The following TRIO variants were observed in gnomAD, a reference collection of about 807,000 sequenced individuals.
TRIO encodes the protein trio Rho guanine nucleotide exchange factor, also known as triple functional domain protein.
A neutral mutation model predicts 351.9 loss-of-function variants in TRIO; 58 were observed. The observed-to-expected ratio is 0.16, with a 90% CI of 0.13 to 0.21. The LOEUF is 0.21. Ranked by LOEUF, TRIO falls within the 10% of genes least tolerant of loss-of-function variation. The pLI, the probability that TRIO is intolerant of heterozygous loss-of-function variation, is 1.00. For synonymous variants in TRIO, 1,758 were observed against 1,595.7 expected (o/e 1.10, Z -2.42); for missense variants, 3,201 against 4,027.8 (o/e 0.79, Z 5.56).
intron 1 of TRIO, among the ~76,000 whole-genome samples, chr5:14,225,686 C>T (rs1456645026): frequency 6.6e-6 from 1 of 152,028 alleles, no homozygotes; most frequent in Admixed American, 6.5e-5. Flanking sequence ...AAAGGCTTCC[C>T]TTGATGAGTC....
intron 1 of TRIO, among the ~76,000 whole-genome samples, chr5:14,204,279 A>G (rs923861725): frequency 6.6e-6 from 1 of 152,144 alleles, no homozygotes; most frequent in East Asian, 1.9e-4. Context: ...AATTTGAGAG[A>G]GGAGTGGAGG....
intron 1 of TRIO, among the ~76,000 whole-genome samples, chr5:14,161,621 T>C (rs1219938979): frequency 2.0e-5 from 3 of 152,192 alleles, no homozygotes. Flanking sequence ...TTAACTCAGA[T>C]TTTAGCATAA....
intron 1 of TRIO, among the ~76,000 whole-genome samples, chr5:14,145,895 G>A (rs1452177655): frequency 6.6e-6 from 1 of 152,176 alleles, no homozygotes; most frequent in Non-Finnish European, 1.5e-5. Context: ...TCCTGTTCAT[G>A]TTCCGTTTGG....
chr5:14,473,761 G>A (rs1165479286), intron 39 of TRIO, among the ~76,000 whole-genome samples: 1 of 152,138 alleles, frequency 6.6e-6, no homozygotes, highest in Non-Finnish European at 1.5e-5. Context: ...TTTGATCTGT[G>A]AATGCTGAAC....
At chr5:14,321,880 C>T (rs1739922492) in intron 9 of TRIO, among the ~76,000 whole-genome samples, 2 of 152,184 alleles carry the variant, frequency 1.3e-5, no homozygotes, top group Non-Finnish European at 2.9e-5. Flanking sequence ...CCTACACAAG[C>T]TCTCTTGCCT....
At chr5:14,302,399 C>T in intron 7 of TRIO, among the ~76,000 whole-genome samples, 1 of 152,102 alleles carries the variant, frequency 6.6e-6, no homozygotes, top group East Asian at 1.9e-4. Context: ...GATGGTTAAC[C>T]TCAATCAATT....
rs1184794723 is a variant in TRIO, at chr5:14,497,051, C to T, written c.8019+34C>T. On this transcript the variant is annotated intron_variant, in intron 50 of 56. Coordinates refer to ENST00000344204, the MANE Select transcript of TRIO (RefSeq NM_007118.4). This position sits in a 1 kb window ranked among gnomAD's most constrained non-coding sequence, Gnocchi z 4.4. ...GGGGGTCTTCAGGAGTCCGTGTCAT[C>T]CCAGCATGAGAGAAAGGATCAGGGA... 6.2e-7 allele frequency: 1 copy of T among 1,610,704 alleles called. No homozygotes were observed.
intron 41 of TRIO, 37 bp from the exon 42 acceptor site, chr5:14,479,223 AT>A (rs756010773): frequency 6.4e-7 from 1 of 1,557,386 alleles, no homozygotes; most frequent in Admixed American, 1.7e-5. Flanking sequence ...CGAATTTCCC[AT>A]TGTTATAACC....
At position 14,465,510 on chromosome 5, in the gene TRIO, G is replaced by GC. The variant is rs1199330248; in HGVS notation, c.5668-31dup. On this transcript the variant is annotated intron_variant, in intron 36 of 56. Transcript: ENST00000344204. The stretch of plus-strand genomic sequence containing the variant: ...TGACCAGTTACTAATGTGAGCCCTT[G>GC]CCCCACCCCCTCCTTTTCTTAATTT... 1.9e-6 allele frequency: 3 copies of GC among 1,606,954 alleles called. No homozygotes were observed. The Admixed American group carries it at 5.0e-5, about 27-fold the overall frequency.
chr5:14,154,321 TAGGAA>T (rs774244222), intron 1 of TRIO, among the ~76,000 whole-genome samples: 1 of 152,046 alleles, frequency 6.6e-6, no homozygotes, highest in Non-Finnish European at 1.5e-5. Context: ...CTTTCTAACT[TAGGAA>T]AGGAACGGGG....
chr5:14,467,649 C>CA (rs368287211), intron 37 of TRIO, among the ~76,000 whole-genome samples: 63 of 152,006 alleles, frequency 4.1e-4, no homozygotes, highest in African/African-American at 1.4e-3. Flanking sequence ...CGCATCTCTA[C>CA]AAAAAAATAC....
chr5:14,381,872 G>C (rs1746137374), intron 21 of TRIO, among the ~76,000 whole-genome samples: 1 of 152,212 alleles, frequency 6.6e-6, no homozygotes, highest in Admixed American at 6.5e-5. Flanking sequence ...ATATGTGTGA[G>C]TAAATATGGC....
chr5:14,389,490 A>G (rs1746860531), intron 25 of TRIO, 92 bp downstream of exon 25: 2 of 881,340 alleles, frequency 2.3e-6, no homozygotes, highest in Admixed American at 3.1e-5. Context: ...TGAATTAAGC[A>G]GATTTCAGTG....
chr5:14,298,212 A>AAT (rs1425053778), intron 7 of TRIO, among the ~76,000 whole-genome samples: 2 of 152,222 alleles, frequency 1.3e-5, no homozygotes, highest in Non-Finnish European at 2.9e-5. Context: ...AGTAATGGGT[A>AAT]ATATATGCCC....
intron 1 of TRIO, among the ~76,000 whole-genome samples, chr5:14,247,611 T>C (rs575790508): frequency 2.0e-5 from 3 of 152,356 alleles, no homozygotes; most frequent in African/African-American, 7.2e-5. Context: ...GTATATGTCA[T>C]ATAAGATTTT....
At position 14,316,536 on chromosome 5, in the gene TRIO, C is replaced by A. The variant is rs1353805315; in HGVS notation, c.1524C>A (p.Leu508=). The A allele has an allele frequency of 2.5e-6, 4 of 1,614,142 alleles. No homozygotes were observed. The East Asian group carries it at 6.7e-5, about 27-fold the overall frequency. The change falls in exon 9 of 57, where the codon CTC becomes CTA. Residue 508 remains leucine (L), a synonymous_variant. Coordinates refer to ENST00000344204, the MANE Select transcript of TRIO (RefSeq NM_007118.4). The part of the protein sequence containing the change: ...YSEVSQDGKS[L]LDKLQRPLTP... ...AGGTCAGCCAAGATGGGAAGTCGCTCCTTGACAAGCTCCAGCGGCCCTTGA... is the reference window on the plus strand; with the variant it reads ...AGGTCAGCCAAGATGGGAAGTCGCTACTTGACAAGCTCCAGCGGCCCTTGA...
chr5:14,180,280 C>G (rs114938754), intron 1 of TRIO, among the ~76,000 whole-genome samples: 294 of 152,150 alleles, frequency 1.9e-3, no homozygotes, highest in African/African-American at 6.8e-3. Flanking sequence ...TAGATGTTGC[C>G]TGGAGCTTCC....
chr5:14,366,837 A>G (rs1018135488), intron 15 of TRIO, 23 bp from the exon 16 acceptor site: 6 of 1,613,972 alleles, frequency 3.7e-6, no homozygotes, highest in Middle Eastern at 1.7e-4. Context: ...CACTGCTTGG[A>G]GTTATCCTGT....
intron 21 of TRIO, among the ~76,000 whole-genome samples, chr5:14,385,027 G>A (rs1266890029): frequency 2.0e-5 from 3 of 152,338 alleles, no homozygotes. Flanking sequence ...TATAAGAAAA[G>A]CGTACATCAA....
Sources: gnomAD v4.1 joint callset for allele counts (sites outside exome capture counted in the v4.1 genomes callset) on GRCh38, gnomAD v4.1.1 for gene constraint, Gnocchi (gnomAD v3.1) non-coding constraint, MANE v1.5 for transcripts, NCBI Gene and HGNC (gene_info 2026-07-23, HGNC 2026-07-21) for gene names.